Variants in TMEM108 observed in about 807,000 individuals in gnomAD.
The protein encoded by TMEM108 is transmembrane protein 108, also known as cancer/testis antigen 124.
Under a neutral mutation model 35.1 loss-of-function variants are expected in TMEM108, and 12 were observed. The observed-to-expected ratio is 0.34, with a 90% CI of 0.22 to 0.55. The LOEUF is 0.55. TMEM108 is among the 20% of genes least tolerant of loss of function. The pLI, the probability that TMEM108 is intolerant of heterozygous loss-of-function variation, is 0.89. For missense variants in TMEM108, 680 were observed against 753.3 expected, an observed-to-expected ratio of 0.90 and a Z score of 1.14; for synonymous variants, 287 against 308.6, an observed-to-expected ratio of 0.93 and a Z score of 0.73.
chr3:133,077,675 C>G (rs2107694498), intron 2 of TMEM108, among the ~76,000 whole-genome samples: 1 of 152,308 alleles, frequency 6.6e-6, no homozygotes, highest in East Asian at 1.9e-4. Flanking sequence ...TTTCCCTTTT[C>G]TGTTTGTGCC....
At chr3:133,190,766 C>T in intron 2 of TMEM108, among the ~76,000 whole-genome samples, 1 of 152,216 alleles carries the variant, frequency 6.6e-6, no homozygotes, top group Admixed American at 6.5e-5. Context: ...ATTGGTCACA[C>T]AGTCTGTGCT....
chr3:133,220,004 A>G (rs1457027585), intron 2 of TMEM108, among the ~76,000 whole-genome samples: 3 of 150,954 alleles, frequency 2.0e-5, no homozygotes, highest in Non-Finnish European at 4.4e-5. Flanking sequence ...TGTTGGATGC[A>G]TATGTATTTA....
At chr3:133,177,885 A>C (rs1442440630) in intron 2 of TMEM108, among the ~76,000 whole-genome samples, 1 of 151,984 alleles carries the variant, frequency 6.6e-6, no homozygotes, top group Non-Finnish European at 1.5e-5. Flanking sequence ...CCCTGTTTGC[A>C]GATGACATGA....
chr3:133,343,113 T>TA, intron 3 of TMEM108, among the ~76,000 whole-genome samples: 1 of 151,826 alleles, frequency 6.6e-6, no homozygotes, highest in South Asian at 2.1e-4. Flanking sequence ...GGCATGCATA[T>TA]AAAAAAAGTG....
intron 2 of TMEM108, among the ~76,000 whole-genome samples, chr3:133,213,179 C>A (rs76180660): frequency 0.015 from 2,283 of 152,252 alleles, 76 homozygotes; most frequent in African/African-American, 0.051. Context: ...AGTTCTGTCT[C>A]TTGCAAATAA....
In TMEM108 at chr3:133,082,438, T is replaced by G. The variant is rs1042688382; in HGVS notation, c.-47+36418T>G. Among the ~76,000 whole-genome samples the G allele has an allele frequency of 3.3e-5, 5 of 152,172 alleles. 1 individual carries two copies. The highest frequency in any genetic ancestry group is 1.2e-4 in the African/African-American group (5 of 41,444). ...TCTGCCATAACGTCCTTTCCCTGCT[T>G]CTTTGCTTAGCCAACATCATTCAAT... is the stretch of plus-strand genomic sequence containing the variant. On this transcript the variant is annotated intron_variant, in intron 2 of 5. Transcript: ENST00000321871.
chr3:133,331,943 T>C (rs560297517), intron 3 of TMEM108, among the ~76,000 whole-genome samples: 1 of 152,366 alleles, frequency 6.6e-6, no homozygotes, highest in East Asian at 1.9e-4. Context: ...TAGCCAGGTC[T>C]GAACGTATAG....
intron 2 of TMEM108, among the ~76,000 whole-genome samples, chr3:133,167,258 T>C (rs931384972): frequency 6.6e-6 from 1 of 152,074 alleles, no homozygotes; most frequent in Non-Finnish European, 1.5e-5. Flanking sequence ...GCATATACAA[T>C]CCTCCAGCTA....
chr3:133,332,084 A>G (rs12632923), intron 3 of TMEM108, among the ~76,000 whole-genome samples: 361 of 8,768 alleles, frequency 0.041, 1 homozygote, highest in Non-Finnish European at 0.27. Context: ...GCGCACGTGC[A>G]CACACACACA....
rs148478720 is a variant in TMEM108 at position 133,314,268 on chromosome 3, A to G, written c.41-65484A>G. Among the ~76,000 whole-genome samples the G allele has an allele frequency of 2.7e-3, 407 of 152,282 alleles. 5 individuals carry two copies. Among genetic ancestry groups the G allele is most frequent in the African/African-American group, 9.3e-3 (386 of 41,552 alleles). On this transcript the variant is annotated intron_variant, in intron 3 of 5. Transcript: ENST00000321871. ...TGGGAAAATAAAAAGGATGATGACA[A>G]CTCTAAAGTGTATGCCATCTCTCAT...
At chr3:133,278,109 G>A (rs1946863330) in intron 3 of TMEM108, among the ~76,000 whole-genome samples, 1 of 152,238 alleles carries the variant, frequency 6.6e-6, no homozygotes, top group Non-Finnish European at 1.5e-5. Flanking sequence ...GCAAGGTCAG[G>A]TTATAGGCTT....
intron 2 of TMEM108, among the ~76,000 whole-genome samples, chr3:133,110,686 C>A (rs1944214225): frequency 1.3e-5 from 2 of 152,162 alleles, no homozygotes; most frequent in African/African-American, 2.4e-5. Flanking sequence ...CAGACATTTT[C>A]TAAACTCTGA....
chr3:133,329,379 A>G (rs1269060946), intron 3 of TMEM108, among the ~76,000 whole-genome samples: 1 of 152,188 alleles, frequency 6.6e-6, no homozygotes, highest in Non-Finnish European at 1.5e-5. Context: ...TATGCAGGTG[A>G]CACATTACTG....
At chr3:133,328,559 C>G (rs1455774302) in intron 3 of TMEM108, among the ~76,000 whole-genome samples, 1 of 152,130 alleles carries the variant, frequency 6.6e-6, no homozygotes, top group Non-Finnish European at 1.5e-5. Context: ...CCCTCTCTAT[C>G]ACTCTGTGAG....
chr3:133,151,937 G>C (rs1000542621), intron 2 of TMEM108, among the ~76,000 whole-genome samples: 5 of 152,170 alleles, frequency 3.3e-5, no homozygotes, highest in Non-Finnish European at 5.9e-5. Context: ...AGAATGGAGA[G>C]TTGAATGTCA....
At chr3:133,350,657 A>T (rs2071966458) in intron 3 of TMEM108, among the ~76,000 whole-genome samples, 1 of 152,152 alleles carries the variant, frequency 6.6e-6, no homozygotes, top group Non-Finnish European at 1.5e-5. Flanking sequence ...TGAATCCTAA[A>T]CTAGGAGTCA....
chr3:133,089,865 A>G (rs978433431), intron 2 of TMEM108, among the ~76,000 whole-genome samples: 7 of 152,206 alleles, frequency 4.6e-5, no homozygotes, highest in Admixed American at 4.6e-4. Context: ...CAGCATTTGT[A>G]AGAGTTTCAA....
intron 2 of TMEM108, among the ~76,000 whole-genome samples, chr3:133,066,642 A>G (rs1268407701): frequency 6.6e-6 from 1 of 152,178 alleles, no homozygotes; most frequent in Non-Finnish European, 1.5e-5. Context: ...TAGTTTACTC[A>G]GTGTTTGTTA....
intron 2 of TMEM108, among the ~76,000 whole-genome samples, chr3:133,182,657 C>G (rs989069472): frequency 6.6e-6 from 1 of 152,208 alleles, no homozygotes; most frequent in East Asian, 1.9e-4. Context: ...AAGCAGACCT[C>G]ATTTTTCCTT....
Sources: allele counts gnomAD v4.1 joint callset (sites outside exome capture counted in the v4.1 genomes callset), GRCh38; gene constraint gnomAD v4.1.1; transcripts MANE v1.5; gene names NCBI Gene and HGNC (gene_info 2026-07-23, HGNC 2026-07-21).